Variants in TOGARAM1 observed in about 807,000 individuals in gnomAD.
The protein encoded by TOGARAM1 is TOG array regulator of axonemal microtubules 1, also known as TOG array regulator of axonemal microtubules protein 1.
A neutral mutation model predicts 166.6 loss-of-function variants in TOGARAM1; 100 were observed. The observed-to-expected ratio is 0.60, with a 90% CI of 0.51 to 0.71. The LOEUF (loss-of-function observed/expected upper bound fraction) is 0.71. Among genes scored for constraint, TOGARAM1 ranks in the 30% least tolerant of loss-of-function variants. TOGARAM1 has a pLI of 0.00. For synonymous variants in TOGARAM1, 758 were observed against 763.8 expected (o/e 0.99, Z 0.13); for missense variants, 2,029 against 2,102.7 (o/e 0.96, Z 0.69).
chr14:45,014,032 A>C (rs1427572194), intron 7 of TOGARAM1, among the ~76,000 whole-genome samples: 1 of 150,174 alleles, frequency 6.7e-6, no homozygotes, highest in Admixed American at 6.6e-5. Flanking sequence ...TGTTTTCCAA[A>C]GTTGCGTAAT....
rs1314025796 is a variant in TOGARAM1 at position 44,962,250 on chromosome 14, A to G, written c.-172A>G. The G allele has an allele frequency of 8.2e-6, 6 of 732,076 alleles. No homozygotes were observed. Among genetic ancestry groups the G allele is most frequent in the East Asian group, 2.9e-5 (1 of 34,098 alleles). The allele number at this position is 732,076 out of a possible 1,614,324, so 45.3% of individuals were successfully genotyped here. A position where few individuals can be genotyped will look rare whatever the true frequency, so the allele number is the denominator to read the frequency against. The stretch of plus-strand genomic sequence containing the variant: ...GGGGTCTAGGGCTCAGACGGGGGCC[A>G]TTTTGCCAGAGGCTGCCTCCCGGAG... On this transcript the variant is annotated 5_prime_UTR_variant, in exon 1 of 20. Coordinates refer to ENST00000361462, the MANE Select transcript of TOGARAM1 (RefSeq NM_001308120.2).
chr14:44,991,352 A>G (rs749807560), intron 1 of TOGARAM1, among the ~76,000 whole-genome samples: 3 of 151,980 alleles, frequency 2.0e-5, no homozygotes, highest in Non-Finnish European at 2.9e-5. Context: ...CAGCACTGCT[A>G]CCTTAAGCCA....
chr14:45,035,410 A>G (rs1309396999), intron 11 of TOGARAM1, among the ~76,000 whole-genome samples: 2 of 152,128 alleles, frequency 1.3e-5, no homozygotes, highest in African/African-American at 4.8e-5. Flanking sequence ...AGACTGAAAA[A>G]AAAGTCCAAA....
chr14:45,040,185 A>G (rs1469337736), intron 11 of TOGARAM1, among the ~76,000 whole-genome samples: 1 of 152,256 alleles, frequency 6.6e-6, no homozygotes, highest in Non-Finnish European at 1.5e-5. Flanking sequence ...AAACTAAGTA[A>G]CACACTTATA....
At chr14:44,982,934 A>G (rs1223729583) in intron 1 of TOGARAM1, among the ~76,000 whole-genome samples, 2 of 152,202 alleles carry the variant, frequency 1.3e-5, no homozygotes, top group African/African-American at 4.8e-5. Context: ...ACAAATATCA[A>G]CAAATACCTG....
In TOGARAM1 at chr14:45,066,582, G is replaced by A. The variant is rs1883146607; in HGVS notation, c.4564G>A (p.Val1522Ile). 1.2e-6 allele frequency: 2 copies of A among 1,604,262 alleles called. No individual in the cohort carries two copies. Among genetic ancestry groups the A allele is most frequent in the Non-Finnish European group, 8.5e-7 (1 of 1,173,020 alleles). ...RDAFNSAERA[V>I]TEVREVTRKS... is the part of the protein sequence containing the mutation. ...TTCACCTTTCTTTCACTTTAGAGCT[G>A]TAACTGAAGTTCGTGAAGTCACCAG... Residue 1522 changes from valine (V) to isoleucine (I), a missense_variant, in exon 17 of 20, where the codon GTA becomes ATA. By Grantham distance (29) the Val-to-Ile change is conservative. This residue lies in a region of TOGARAM1 where 576 missense variants were observed against 670.5 expected (regional missense o/e 0.86). Coordinates refer to ENST00000361462, the MANE Select transcript of TOGARAM1 (RefSeq NM_001308120.2).
At chr14:45,073,258 T>A (rs1883459959) in intron 19 of TOGARAM1, 38 bp from the exon 20 acceptor site, 1 of 1,566,634 alleles carries the variant, frequency 6.4e-7, no homozygotes, top group Non-Finnish European at 8.6e-7. Flanking sequence ...GCTTATTTAT[T>A]AAGAAAAAAC....
chr14:45,032,147 G>A (rs1469366470), intron 10 of TOGARAM1, 76 bp from the exon 11 acceptor site: 7 of 1,333,248 alleles, frequency 5.3e-6, no homozygotes, highest in South Asian at 2.9e-5. Context: ...GCAACACAGC[G>A]AGACTCCATC....
intron 14 of TOGARAM1, 149 bp from the exon 15 acceptor site, chr14:45,052,287 T>C: frequency 3.3e-6 from 2 of 615,094 alleles, no homozygotes; most frequent in Non-Finnish European, 5.5e-6. Context: ...ACAGTTAGGA[T>C]ATCTATATTT....
Position 45,027,284 on chromosome 14 carries a change from G to T in TOGARAM1, c.3329-15G>T. 1 of 1,611,514 alleles carries T rather than the reference G, an allele frequency of 6.2e-7. No individual in the cohort carries two copies. Among genetic ancestry groups the T allele is most frequent in the Non-Finnish European group, 8.5e-7 (1 of 1,179,128 alleles). ...ATAATTAGTTAATGACTATTTGGTG[G>T]TTGGTTGATTTCAGGCGTATTTGGA... is the stretch of plus-strand genomic sequence containing the variant. On this transcript the variant is annotated splice_polypyrimidine_tract_variant and intron_variant, in intron 8 of 19. Transcript: ENST00000361462.
intron 7 of TOGARAM1, among the ~76,000 whole-genome samples, chr14:45,012,738 T>A (rs1879883403): frequency 6.6e-6 from 1 of 152,202 alleles, no homozygotes; most frequent in Non-Finnish European, 1.5e-5. Flanking sequence ...GTAAAAGTCC[T>A]AACAACTTTA....
At chr14:45,045,575 ATATATATATGTGTG>A (rs869235665) in intron 13 of TOGARAM1, among the ~76,000 whole-genome samples, 68 of 41,494 alleles carry the variant, frequency 1.6e-3, no homozygotes, top group African/African-American at 4.4e-3. Flanking sequence ...ATATATATAT[ATATATATATGTGTG>A]TGTGTGTGTG....
intron 4 of TOGARAM1, among the ~76,000 whole-genome samples, chr14:45,005,119 TG>T (rs1406467655): frequency 6.6e-6 from 1 of 151,674 alleles, no homozygotes; most frequent in African/African-American, 2.4e-5. Context: ...TTCTCCATGT[TG>T]GTGAGGCTGG....
chr14:45,052,353 C>A, intron 14 of TOGARAM1, 83 bp from the exon 15 acceptor site: 1 of 1,147,582 alleles, frequency 8.7e-7, no homozygotes, highest in Non-Finnish European at 1.2e-6. Context: ...TGTTTTTTTT[C>A]TATTGAAACA....
At chr14:45,007,113 T>G (rs993737522) in intron 5 of TOGARAM1, 4 of 152,128 alleles carry the variant, frequency 2.6e-5, no homozygotes, top group Admixed American at 2.6e-4. Flanking sequence ...AATACTTAAT[T>G]ATGATATTTT....
intron 14 of TOGARAM1, among the ~76,000 whole-genome samples, chr14:45,047,405 A>AT (rs1882124648): frequency 6.6e-6 from 1 of 151,560 alleles, no homozygotes; most frequent in South Asian, 2.1e-4. Context: ...AAAAAAAAAA[A>AT]GAAAGAAAAA....
In TOGARAM1 at chr14:45,006,261, A is replaced by G; in HGVS notation, c.2898A>G (p.Gln966=). 1 of 1,606,760 alleles carries G rather than the reference A, an allele frequency of 6.2e-7. No individual in the cohort carries two copies. Among genetic ancestry groups the G allele is most frequent in the Non-Finnish European group, 8.5e-7 (1 of 1,175,178 alleles). The part of the protein sequence containing the change: ...ELNFKDKDLD[Q]EEMHSSLRSL... ...ATTTCAAGGATAAAGATTTGGATCAAGAAGAGGTTAGAACCAAATATTTTT... is the reference window on the plus strand; with the variant it reads ...ATTTCAAGGATAAAGATTTGGATCAGGAAGAGGTTAGAACCAAATATTTTT... The change falls in exon 5 of 20, where the codon CAA becomes CAG. Residue 966 remains glutamine (Q), a synonymous_variant. Transcript: ENST00000361462.
chr14:45,049,999 C>G (rs1286377844), intron 14 of TOGARAM1, among the ~76,000 whole-genome samples: 1 of 152,000 alleles, frequency 6.6e-6, no homozygotes, highest in South Asian at 2.1e-4. Flanking sequence ...TTGTATTTCT[C>G]ACATTTTGTG....
At position 45,008,947 on chromosome 14, in the gene TOGARAM1, C is replaced by A; in HGVS notation, c.2939C>A (p.Ala980Glu). The part of the protein sequence containing the change: ...HSSLRSLRNS[A>E]AKKRAKLSGS... ...TCTCTTAGGTCCCTTCGTAATAGTG[C>A]AGCTAAGAAAAGAGCAAAACTGAGT... Residue 980 changes from alanine to glutamate, a missense_variant, in exon 6 of 20, where the codon GCA (alanine) becomes GAA (glutamate). Physicochemically the swap from Ala to Glu is moderately radical, Grantham distance 107. Coordinates refer to ENST00000361462, the MANE Select transcript of TOGARAM1 (RefSeq NM_001308120.2). 1 of 1,613,990 alleles carries A rather than the reference C, an allele frequency of 6.2e-7. No homozygotes were observed. The highest frequency in any genetic ancestry group is 8.5e-7 in the Non-Finnish European group (1 of 1,179,912).
Sources: allele counts gnomAD v4.1 joint callset (sites outside exome capture counted in the v4.1 genomes callset), GRCh38; gene constraint gnomAD v4.1.1; regional missense constraint gnomAD v4.1.1; transcripts MANE v1.5; gene names NCBI Gene and HGNC (gene_info 2026-07-23, HGNC 2026-07-21).